The following AMZ2 variants were observed in gnomAD, a reference collection of about 807,000 sequenced individuals.
AMZ2 encodes archaemetzincin-2.
A neutral mutation model predicts 36.7 loss-of-function variants in AMZ2; 26 were observed. That is an observed-to-expected ratio of 0.71 (90% CI 0.52 to 0.98). The LOEUF (loss-of-function observed/expected upper bound fraction) is 0.98. AMZ2 is among the 50% of genes least tolerant of loss of function. AMZ2 has a pLI of 0.00. For missense variants in AMZ2, 394 were observed against 430.5 expected (o/e 0.92, Z 0.75); for synonymous variants, 144 against 149.1 (o/e 0.97, Z 0.25).
intron 1 of AMZ2, among the ~76,000 whole-genome samples, chr17:68,240,302 T>C (rs2073875461): frequency 6.6e-6 from 1 of 152,150 alleles, no homozygotes; most frequent in Admixed American, 6.5e-5. Context: ...GGGGGTAAGG[T>C]CTCAACATAT....
chr17:68,256,932 A>AG lies in AMZ2; in HGVS notation c.1047dup (p.Trp350ValfsTer17). The AG allele has an allele frequency of 6.2e-7, 1 of 1,614,094 alleles. No homozygotes were observed. Among genetic ancestry groups the AG allele is most frequent in the Middle Eastern group, 1.7e-4 (1 of 6,060 alleles). Reference sequence around the variant, plus strand: ...GTGGAAGCCTTTAAGGAATGGAAAGAGTGGATAATAAAATGCCTGGCTGTT... The same window carrying AG: ...GTGGAAGCCTTTAAGGAATGGAAAGAGGTGGATAATAAAATGCCTGGCTGTT... On this transcript the variant is annotated frameshift_variant, in exon 7 of 7. Transcript: ENST00000359904. LOFTEE classifies it high-confidence loss of function.
chr17:68,254,699 C>G (rs1555741855), intron 5 of AMZ2, 132 bp downstream of exon 5: 1 of 794,522 alleles, frequency 1.3e-6, no homozygotes, highest in African/African-American at 1.8e-5. Context: ...GTGCATAGTG[C>G]TTGACTGAAA....
intron 1 of AMZ2, among the ~76,000 whole-genome samples, chr17:68,230,285 G>A (rs1316035718): frequency 3.3e-5 from 5 of 152,176 alleles, no homozygotes; most frequent in African/African-American, 9.7e-5. Flanking sequence ...TGTTGGCCAG[G>A]CTGGTCTCGA....
rs190824050 is a variant in AMZ2, at chr17:68,240,092, C to T, written c.-66-8548C>T. Among the ~76,000 whole-genome samples, 49 of 152,318 alleles carry T rather than the reference C, an allele frequency of 3.2e-4. No homozygotes were observed. The East Asian group carries it at 9.4e-3, about 29-fold the overall frequency. ...GGTTCTAGGAACTGGAATCCAAGATCAAGGTGCTGATCTGGTGTCTGGGGA... is the reference window on the plus strand; with the variant it reads ...GGTTCTAGGAACTGGAATCCAAGATTAAGGTGCTGATCTGGTGTCTGGGGA... On this transcript the variant is annotated intron_variant, in intron 1 of 7. Transcript: ENST00000674770.
upstream of AMZ2, among the ~76,000 whole-genome samples, chr17:68,244,093 C>T (rs575929135): frequency 2.6e-5 from 4 of 152,292 alleles, no homozygotes; most frequent in East Asian, 1.9e-4. Context: ...AGCCAGGTTT[C>T]TCTCTACTGG....
intron 1 of AMZ2, among the ~76,000 whole-genome samples, chr17:68,233,427 C>T (rs370908679): frequency 1.0e-3 from 156 of 150,682 alleles, no homozygotes; most frequent in African/African-American, 3.6e-3. Context: ...GAGAATCACT[C>T]GAACCTGGGA....
intron 1 of AMZ2, among the ~76,000 whole-genome samples, chr17:68,224,817 T>C: frequency 6.6e-6 from 1 of 151,820 alleles, no homozygotes; most frequent in Non-Finnish European, 1.5e-5. Context: ...GCCTGCCTTC[T>C]TTCCTCTCTA....
At position 68,211,820 on chromosome 17, in the gene AMZ2, G is replaced by GTATA. The variant is rs1176516792; in HGVS notation, c.-67+5585_-67+5586insATAT. Among the ~76,000 whole-genome samples, 501 of 123,012 alleles carry GTATA rather than the reference G, an allele frequency of 4.1e-3. 9 individuals carry two copies. The highest frequency in any genetic ancestry group is 7.8e-3 in the African/African-American group (267 of 34,108). 80.7% of individuals were successfully genotyped at this position (123,012 alleles called of 152,430 possible). A position where few individuals can be genotyped will look rare whatever the true frequency, so the allele number is the denominator to read the frequency against. On this transcript the variant is annotated intron_variant, in intron 1 of 7. Transcript: ENST00000674770. ...TATGTGTATATGTATATATGTATGT[G>GTATA]TATGTATATGTATATATGTACATGT... is the stretch of plus-strand genomic sequence containing the variant.
chr17:68,214,233 A>T (rs1060687), intron 1 of AMZ2, among the ~76,000 whole-genome samples: 35,142 of 151,754 alleles, frequency 0.23, 4,339 homozygotes, highest in South Asian at 0.29. Flanking sequence ...CCATTGGATG[A>T]TTTTCATTGT....
chr17:68,212,963 C>T (rs1555726422), intron 1 of AMZ2, among the ~76,000 whole-genome samples: 1 of 152,086 alleles, frequency 6.6e-6, no homozygotes, highest in East Asian at 1.9e-4. Flanking sequence ...TTAGATTGGC[C>T]TAGTTCTCTT....
upstream of AMZ2, among the ~76,000 whole-genome samples, chr17:68,244,821 AGT>A (rs2073968625): frequency 1.3e-5 from 2 of 152,146 alleles, no homozygotes; most frequent in South Asian, 4.1e-4. Flanking sequence ...AAAAATTATT[AGT>A]GTTTTTTATT....
chr17:68,214,536 A>T (rs576230883), intron 1 of AMZ2, among the ~76,000 whole-genome samples: 2 of 152,300 alleles, frequency 1.3e-5, no homozygotes, highest in African/African-American at 4.8e-5. Flanking sequence ...TCCTCTAGAG[A>T]CTAGACCTTT....
intron 1 of AMZ2, among the ~76,000 whole-genome samples, chr17:68,231,078 T>TC (rs199845627): frequency 6.6e-6 from 1 of 151,658 alleles, no homozygotes; most frequent in African/African-American, 2.4e-5. Flanking sequence ...CTTTTTTTTT[T>TC]CCCAAGACCG....
At chr17:68,231,213 G>A (rs1430197894) in intron 1 of AMZ2, among the ~76,000 whole-genome samples, 3 of 151,962 alleles carry the variant, frequency 2.0e-5, no homozygotes, top group African/African-American at 4.8e-5. Flanking sequence ...ACAGGAATGT[G>A]CCACCACGCT....
rs566192075 is a variant in AMZ2 at position 68,221,094 on chromosome 17, C to CT, written c.-67+14862dup. On this transcript the variant is annotated intron_variant, in intron 1 of 7. Transcript: ENST00000674770. ...CCACTGTGCCCAGCTGTTTCTTTTT[C>CT]TTTTTTGAGGCAGAGTCTCGCTCTG... 7.3e-3 allele frequency among the ~76,000 whole-genome samples: 1,107 copies of CT among 151,494 alleles called. 7 individuals are homozygous for CT. The highest frequency in any genetic ancestry group is 0.013 in the Non-Finnish European group (862 of 67,866).
At chr17:68,231,264 T>G (rs1555731176) in intron 1 of AMZ2, among the ~76,000 whole-genome samples, 1 of 151,982 alleles carries the variant, frequency 6.6e-6, no homozygotes, top group African/African-American at 2.4e-5. Context: ...AGAGAGGGTT[T>G]TCTCCCATAT....
intron 1 of AMZ2, among the ~76,000 whole-genome samples, chr17:68,216,085 C>G (rs1302627478): frequency 6.6e-6 from 1 of 152,136 alleles, no homozygotes; most frequent in African/African-American, 2.4e-5. Context: ...AAAATTAAAC[C>G]TCCCAACAGC....
At chr17:68,241,527 CATT>C (rs2073899898) in intron 1 of AMZ2, among the ~76,000 whole-genome samples, 1 of 152,046 alleles carries the variant, frequency 6.6e-6, no homozygotes, top group African/African-American at 2.4e-5. Context: ...CAAGAAATCT[CATT>C]ATACACACAT....
At chr17:68,210,528 G>A (rs2073012385) in intron 1 of AMZ2, among the ~76,000 whole-genome samples, 1 of 152,218 alleles carries the variant, frequency 6.6e-6, no homozygotes, top group African/African-American at 2.4e-5. Flanking sequence ...TAGGCTGGGA[G>A]AAGGAGAGAA....
Sources: allele counts gnomAD v4.1 joint callset (sites outside exome capture counted in the v4.1 genomes callset), GRCh38; gene constraint gnomAD v4.1.1; transcripts MANE v1.5; gene names NCBI Gene and HGNC (gene_info 2026-07-23, HGNC 2026-07-21).